The following CREB3L1 variants were observed in gnomAD, a reference collection of about 807,000 sequenced individuals.
CREB3L1 encodes the protein cAMP responsive element binding protein 3 like 1.
In CREB3L1, 33 loss-of-function variants were observed where a neutral mutation model predicts 54.5. The observed-to-expected ratio is 0.61, with a 90% confidence interval of 0.46 to 0.81. The LOEUF is 0.81. CREB3L1 is among the 30% of genes least tolerant of loss of function. The pLI, the probability that CREB3L1 is intolerant of heterozygous loss-of-function variation, is 0.00. For missense variants in CREB3L1, 656 were observed against 673.3 expected (o/e 0.97, Z 0.29); for synonymous variants, 284 against 286.4 (o/e 0.99, Z 0.08).
intron 1 of CREB3L1, among the ~76,000 whole-genome samples, chr11:46,287,797 G>T (rs1291188724): frequency 1.3e-5 from 2 of 152,110 alleles, no homozygotes; most frequent in Non-Finnish European, 2.9e-5. Context: ...CCAACATGGT[G>T]AAACCACATC....
Position 46,278,179 on chromosome 11 carries a change from G to A in CREB3L1, c.68G>A (p.Gly23Glu), listed in dbSNP as rs1351146688. 9 of 1,577,446 alleles carry A rather than the reference G, an allele frequency of 5.7e-6. No homozygotes were observed. The highest frequency in any genetic ancestry group is 7.7e-6 in the Non-Finnish European group (9 of 1,161,810). Reference sequence around the variant, plus strand: ...CCCGGATCCAGCTTCCTGGACTTGGGGGATCTGAACGAGTCGGACTTCCTC... The same window carrying A: ...CCCGGATCCAGCTTCCTGGACTTGGAGGATCTGAACGAGTCGGACTTCCTC... ...LFPGSSFLDL[G>E]DLNESDFLNN... The change falls in exon 1 of 12, where the codon GGG (glycine) becomes GAG (glutamate). Residue 23 changes from glycine to glutamate, a missense_variant. Physicochemically the swap from Gly to Glu is moderately conservative, Grantham distance 98. Around this residue, in one of 3 missense-constraint regions of CREB3L1, gnomAD observed 339 missense variants for 331.5 expected, o/e 1.02. Transcript: ENST00000621158. The surrounding 1 kb of genome is among the most constrained non-coding windows in gnomAD (Gnocchi z 4.2).
intron 1 of CREB3L1, among the ~76,000 whole-genome samples, chr11:46,296,950 G>A (rs1395486636): frequency 6.6e-6 from 1 of 152,216 alleles, no homozygotes; most frequent in African/African-American, 2.4e-5. Context: ...CCTGAGCCAA[G>A]GCCTTCAGGG....
In CREB3L1 at chr11:46,300,117, G is replaced by A. The variant is rs745764555; in HGVS notation, c.285G>A (p.Ala95=). Residue 95 remains alanine, a synonymous_variant, in exon 2 of 12, where the codon GCG becomes GCA. Transcript: ENST00000621158. The part of the protein sequence containing the change: ...EHSYSLSGDS[A]PQSPLVPIKM... ...GCTACTCCCTGAGCGGCGACTCAGC[G>A]CCCCAGAGCCCCCTTGTGCCCATCA... 41 of 1,613,520 alleles carry A rather than the reference G, an allele frequency of 2.5e-5. No individual in the cohort carries two copies. The highest frequency in any genetic ancestry group is 6.7e-5 in the Admixed American group (4 of 59,920).
At chr11:46,315,463 G>C in intron 8 of CREB3L1, 1 of 211,420 alleles carries the variant, frequency 4.7e-6, no homozygotes, top group East Asian at 7.0e-5. Context: ...CCTCAGGGAG[G>C]CCACAGTTAA....
At chr11:46,292,250 ACT>A (rs1406604930) in intron 1 of CREB3L1, among the ~76,000 whole-genome samples, 2 of 152,004 alleles carry the variant, frequency 1.3e-5, no homozygotes, top group East Asian at 3.9e-4. Flanking sequence ...ACACATGGAA[ACT>A]CTGCCTGGAG....
chr11:46,286,480 T>C (rs937959436), intron 1 of CREB3L1, among the ~76,000 whole-genome samples: 1 of 152,168 alleles, frequency 6.6e-6, no homozygotes, highest in Admixed American at 6.5e-5. Flanking sequence ...ATAAAATTAA[T>C]ACATGGAAAC....
chr11:46,293,859 C>T (rs531447181), intron 1 of CREB3L1, among the ~76,000 whole-genome samples: 1 of 152,236 alleles, frequency 6.6e-6, no homozygotes, highest in South Asian at 2.1e-4. Context: ...GGGGTGACTT[C>T]GCATGTGTGT....
chr11:46,285,130 T>C (rs1447175530), intron 1 of CREB3L1, among the ~76,000 whole-genome samples: 2 of 152,056 alleles, frequency 1.3e-5, no homozygotes, highest in East Asian at 3.9e-4. Context: ...GAGGGGAGCA[T>C]AAAGGACATC....
At chr11:46,315,202 T>C in intron 8 of CREB3L1, 1 of 337,314 alleles carries the variant, frequency 3.0e-6, no homozygotes, top group Non-Finnish European at 6.0e-6. Context: ...ACTCCTCTGT[T>C]CCCTGATTGG....
intron 10 of CREB3L1, among the ~76,000 whole-genome samples, chr11:46,318,018 G>T (rs775670351): frequency 6.6e-6 from 1 of 152,274 alleles, no homozygotes; most frequent in East Asian, 1.9e-4. Flanking sequence ...GGAGTTCGAC[G>T]CCAGCCTGGC....
intron 8 of CREB3L1, among the ~76,000 whole-genome samples, chr11:46,313,939 AAAC>A (rs1939529766): frequency 6.6e-6 from 1 of 152,152 alleles, no homozygotes; most frequent in Non-Finnish European, 1.5e-5. Context: ...GGGATGATAG[AAAC>A]ATTATCTCAT....
In CREB3L1 at chr11:46,277,842, G is replaced by A. The variant is rs866694832; in HGVS notation, c.-270G>A. 3.5e-5 allele frequency: 12 copies of A among 338,696 alleles called. No homozygotes were observed. The South Asian group carries it at 4.5e-4, about 13-fold the overall frequency. The allele number at this position is 338,696 out of a possible 1,614,324, so 21.0% of individuals were successfully genotyped here. A position where few individuals can be genotyped will look rare whatever the true frequency, so the allele number is the denominator to read the frequency against. On this transcript the variant is annotated 5_prime_UTR_variant, in exon 1 of 12. Coordinates refer to ENST00000621158, the MANE Select transcript of CREB3L1 (RefSeq NM_052854.4). ...CATGGAAGCCAGCTGTGCCCCAGGA[G>A]GAGCAGGAGGAGGTGGAGTCGGCTG...
chr11:46,278,214 G>A lies in CREB3L1; in HGVS notation c.102+1G>A, dbSNP rs2136331115. On this transcript the variant is annotated splice_donor_variant, in intron 1 of 11. Coordinates refer to ENST00000621158, the MANE Select transcript of CREB3L1 (RefSeq NM_052854.4). LOFTEE classifies it high-confidence loss of function. This position sits in a 1 kb window ranked among gnomAD's most constrained non-coding sequence, Gnocchi z 4.2. The stretch of plus-strand genomic sequence containing the variant: ...CGAGTCGGACTTCCTCAACAATGCG[G>A]TAAGATGAAGGGTCTCCGTTCCCGT... 1.3e-6 allele frequency: 2 copies of A among 1,551,388 alleles called. No homozygotes were observed. Among genetic ancestry groups the A allele is most frequent in the Non-Finnish European group, 1.7e-6 (2 of 1,144,880 alleles).
At chr11:46,316,675 G>A (rs548985711) in intron 9 of CREB3L1, among the ~76,000 whole-genome samples, 1 of 152,328 alleles carries the variant, frequency 6.6e-6, no homozygotes, top group South Asian at 2.1e-4. Flanking sequence ...TGAGGAGGCG[G>A]CTTCCACAGG....
intron 1 of CREB3L1, among the ~76,000 whole-genome samples, chr11:46,280,247 G>A: frequency 6.7e-6 from 1 of 150,308 alleles, no homozygotes. Flanking sequence ...GAGTGCAGTG[G>A]CGCGATCTCG....
chr11:46,290,252 C>T (rs1190068109), intron 1 of CREB3L1, among the ~76,000 whole-genome samples: 1 of 152,146 alleles, frequency 6.6e-6, no homozygotes, highest in African/African-American at 2.4e-5. Flanking sequence ...CCTGGCCCAA[C>T]ACCAGGACCC....
intron 2 of CREB3L1, among the ~76,000 whole-genome samples, chr11:46,304,301 C>T (rs2136348467): frequency 6.6e-6 from 1 of 152,190 alleles, no homozygotes; most frequent in Non-Finnish European, 1.5e-5. Flanking sequence ...GGAGAAACCC[C>T]GTCTCTACTA....
rs117481046 is a variant in CREB3L1 at position 46,311,189 on chromosome 11, C to T, written c.753C>T (p.His251=). The T allele has an allele frequency of 9.9e-4, 1,559 of 1,575,748 alleles. 23 individuals are homozygous for T. In the East Asian group the frequency reaches 0.034, roughly 35 times the overall value. Residue 251 remains histidine, a splice_region_variant and synonymous_variant, in exon 5 of 12, where the codon CAC becomes CAT. Coordinates refer to ENST00000621158, the MANE Select transcript of CREB3L1 (RefSeq NM_052854.4). Reference sequence around the variant, plus strand: ...CCTCCCCACTCCTCACTGCCCCTCACGTAAGGAGCTGGGGGTGGGCTGATC... The same window carrying T: ...CCTCCCCACTCCTCACTGCCCCTCATGTAAGGAGCTGGGGGTGGGCTGATC... The part of the protein sequence containing the change: ...ISTSPLLTAP[H]KLQGTSGPLL...
At chr11:46,299,410 C>T (rs1370727253) in intron 1 of CREB3L1, among the ~76,000 whole-genome samples, 1 of 152,190 alleles carries the variant, frequency 6.6e-6, no homozygotes, top group East Asian at 1.9e-4. Context: ...TCAAGAATCC[C>T]ACTGCCCTGC....
Sources: allele counts gnomAD v4.1 joint callset (sites outside exome capture counted in the v4.1 genomes callset), GRCh38; gene constraint gnomAD v4.1.1; regional missense constraint gnomAD v4.1.1; non-coding constraint Gnocchi (gnomAD v3.1); transcripts MANE v1.5; gene names NCBI Gene and HGNC (gene_info 2026-07-23, HGNC 2026-07-21).